Variants in COG5 observed in about 807,000 individuals in gnomAD.
COG5 encodes the protein conserved oligomeric Golgi complex subunit 5.
Under a neutral mutation model 110.4 loss-of-function variants are expected in COG5, and 86 were observed. The ratio of observed to expected loss-of-function variants is 0.78; its 90% CI spans 0.65 to 0.93. The LOEUF (loss-of-function observed/expected upper bound fraction) is 0.93. Among genes scored for constraint, COG5 ranks in the 40% least tolerant of loss-of-function variants. The pLI is 0.00. For synonymous variants in COG5, 360 were observed against 334.6 expected, an observed-to-expected ratio of 1.08 and a Z score of -0.83; for missense variants, 1,077 against 987.0, an observed-to-expected ratio of 1.09 and a Z score of -1.22.
chr7:107,513,172 A>C (rs1015538615), intron 6 of COG5, among the ~76,000 whole-genome samples: 112 of 152,306 alleles, frequency 7.4e-4, no homozygotes, highest in African/African-American at 2.6e-3. Context: ...AATATCCAGA[A>C]TCTACAATGA....
chr7:107,340,163 T>C (rs1811055788), intron 10 of COG5, among the ~76,000 whole-genome samples: 1 of 151,690 alleles, frequency 6.6e-6, no homozygotes, highest in Admixed American at 6.6e-5. Context: ...AAGATCCAAA[T>C]GAGCACAATC....
intron 11 of COG5, among the ~76,000 whole-genome samples, chr7:107,305,989 T>G (rs542456575): frequency 4.6e-5 from 7 of 152,164 alleles, no homozygotes; most frequent in Non-Finnish European, 7.3e-5. Flanking sequence ...ACAGATGTAC[T>G]GAAGGCGATC....
At chr7:107,535,642 C>A (rs1341602122) in intron 5 of COG5, among the ~76,000 whole-genome samples, 1 of 152,158 alleles carries the variant, frequency 6.6e-6, no homozygotes, top group African/African-American at 2.4e-5. Context: ...AGACCAATAA[C>A]AAGTTCTGAA....
intron 6 of COG5, among the ~76,000 whole-genome samples, chr7:107,433,970 A>G (rs1794194603): frequency 6.6e-6 from 1 of 152,196 alleles, no homozygotes; most frequent in South Asian, 2.1e-4. Context: ...ACAAAAAAGC[A>G]AATAACCTGA....
intron 14 of COG5, among the ~76,000 whole-genome samples, chr7:107,274,114 G>T: frequency 6.6e-6 from 1 of 152,202 alleles, no homozygotes; most frequent in East Asian, 1.9e-4. Context: ...TTCAAGTAGG[G>T]AGCGTCCATC....
chr7:107,497,274 T>C (rs947870613), intron 6 of COG5, among the ~76,000 whole-genome samples: 3 of 152,108 alleles, frequency 2.0e-5, no homozygotes, highest in Admixed American at 6.6e-5. Context: ...CCAAAACTTC[T>C]ATAGTGTTGG....
chr7:107,370,624 A>G (rs1415531742), intron 8 of COG5, among the ~76,000 whole-genome samples: 5 of 151,856 alleles, frequency 3.3e-5, no homozygotes, highest in African/African-American at 1.2e-4. Flanking sequence ...CGTCTCTACT[A>G]AAAATATAAA....
At chr7:107,338,188 A>G (rs959132263) in intron 10 of COG5, among the ~76,000 whole-genome samples, 1 of 152,204 alleles carries the variant, frequency 6.6e-6, no homozygotes, top group African/African-American at 2.4e-5. Flanking sequence ...AGGACCTCAA[A>G]TATCTTTTTT....
At chr7:107,478,733 T>C (rs1370874740) in intron 6 of COG5, among the ~76,000 whole-genome samples, 2 of 152,106 alleles carry the variant, frequency 1.3e-5, no homozygotes, top group African/African-American at 2.4e-5. Flanking sequence ...TTGGGATGTA[T>C]ACCTGAAGAT....
At chr7:107,359,681 C>T (rs1024588541) in intron 10 of COG5, among the ~76,000 whole-genome samples, 1 of 152,276 alleles carries the variant, frequency 6.6e-6, no homozygotes, top group African/African-American at 2.4e-5. Context: ...AAACCCCTGA[C>T]TCAGCCAGAC....
At chr7:107,296,537 A>G (rs1416302044) in intron 12 of COG5, among the ~76,000 whole-genome samples, 1 of 149,364 alleles carries the variant, frequency 6.7e-6, no homozygotes. Flanking sequence ...TCATTCTATG[A>G]TTCTAACCTA....
rs535035995 is a variant in COG5, at chr7:107,420,751, G to T, written c.539-8119C>A. On this transcript the variant is annotated intron_variant, in intron 6 of 21. Coordinates refer to ENST00000297135, the MANE Select transcript of COG5 (RefSeq NM_006348.5). ...GCTGGGATTACAGGCGTGAGCCACC[G>T]TGCCCATCCTAAAATTTGTATTTTT... 1.2e-3 allele frequency among the ~76,000 whole-genome samples: 183 copies of T among 152,258 alleles called. 2 individuals are homozygous for T. Among genetic ancestry groups the T allele is most frequent in the African/African-American group, 4.2e-3 (174 of 41,550 alleles).
At position 107,474,594 on chromosome 7, in the gene COG5, G is replaced by C. The variant is rs1415990130; in HGVS notation, c.538+52643C>G. The C allele has an allele frequency of 1.9e-6, 3 of 1,609,940 alleles. No individual in the cohort carries two copies. The highest frequency in any genetic ancestry group is 2.5e-6 in the Non-Finnish European group (3 of 1,178,356). ...TCTCTTTCCTGATTCCTTTTATTGA[G>C]GTAAATTTTTTCAGTCTTCAAAGTG... On this transcript the variant is annotated intron_variant, in intron 6 of 21. Transcript: ENST00000297135. The surrounding 1 kb of genome is among the most constrained non-coding windows in gnomAD (Gnocchi z 5.7).
At chr7:107,508,459 CACAG>C (rs1179467010) in intron 6 of COG5, among the ~76,000 whole-genome samples, 4 of 152,338 alleles carry the variant, frequency 2.6e-5, no homozygotes, top group African/African-American at 7.2e-5. Context: ...GGGGGCAGGG[CACAG>C]ACAAACAAAA....
chr7:107,394,281 G>C (rs927578274), intron 7 of COG5, among the ~76,000 whole-genome samples: 3 of 147,332 alleles, frequency 2.0e-5, no homozygotes, highest in Non-Finnish European at 4.5e-5. Context: ...TATTTTTTAA[G>C]TGAAAAAGAT....
intron 6 of COG5, among the ~76,000 whole-genome samples, chr7:107,485,214 C>G (rs1011024988): frequency 2.6e-5 from 4 of 152,178 alleles, no homozygotes; most frequent in African/African-American, 7.2e-5. Context: ...CTGTTTTGTG[C>G]AGAGGTTGCT....
chr7:107,244,967 T>C (rs1801944506), intron 17 of COG5, among the ~76,000 whole-genome samples: 1 of 152,114 alleles, frequency 6.6e-6, no homozygotes, highest in African/African-American at 2.4e-5. Flanking sequence ...CAGCATCATC[T>C]TGATACCAAA....
At chr7:107,223,725 A>G (rs767443820) in intron 19 of COG5, among the ~76,000 whole-genome samples, 1 of 152,198 alleles carries the variant, frequency 6.6e-6, no homozygotes, top group African/African-American at 2.4e-5. Context: ...AACTTCTGGA[A>G]TAAGATGTGG....
chr7:107,429,048 T>C (rs1322458948), intron 6 of COG5, among the ~76,000 whole-genome samples: 1 of 152,230 alleles, frequency 6.6e-6, no homozygotes, highest in Middle Eastern at 3.2e-3. Context: ...TCTTGTCTGC[T>C]GTTTAAAAAA....
Sources: gnomAD v4.1 joint callset for allele counts (sites outside exome capture counted in the v4.1 genomes callset) on GRCh38, gnomAD v4.1.1 for gene constraint, Gnocchi (gnomAD v3.1) non-coding constraint, MANE v1.5 for transcripts, NCBI Gene and HGNC (gene_info 2026-07-23, HGNC 2026-07-21) for gene names.